Variants in DEAF1 observed in about 807,000 individuals in gnomAD.
DEAF1 encodes the protein DEAF1 transcription factor.
DEAF1 carries 53 observed loss-of-function variants against 58.9 expected under a neutral mutation model. The observed-to-expected ratio is 0.90, with a 90% confidence interval of 0.72 to 1.13. The LOEUF is 1.13. Ranked by LOEUF, DEAF1 falls within the 50% of genes most tolerant of loss-of-function variation. The probability of loss-of-function intolerance (pLI) is 0.00; values close to 1 mark genes in which losing one functional copy is unlikely to be tolerated. For missense variants in DEAF1, 685 were observed against 791.4 expected, an observed-to-expected ratio of 0.87 and a Z score of 1.61; for synonymous variants, 385 against 340.4, an observed-to-expected ratio of 1.13 and a Z score of -1.44.
intron 10 of DEAF1, among the ~76,000 whole-genome samples, chr11:667,017 A>C (rs1859567795): frequency 6.6e-6 from 1 of 151,936 alleles, no homozygotes; most frequent in African/African-American, 2.4e-5. Flanking sequence ...TGAGAAACAT[A>C]GTGAAACCCC....
chr11:697,041 A>C (rs1012326173), upstream of DEAF1, among the ~76,000 whole-genome samples: 2 of 151,092 alleles, frequency 1.3e-5, no homozygotes, highest in Non-Finnish European at 2.9e-5. Flanking sequence ...CGGAGGTTGC[A>C]GTTGGCCAAG....
intron 9 of DEAF1, chr11:678,398 G>T (rs921129335): frequency 1.0e-5 from 4 of 389,508 alleles, no homozygotes; most frequent in Non-Finnish European, 2.0e-5. Flanking sequence ...GAGGACAACA[G>T]CAAACTCACC....
At chr11:661,615 C>T (rs906560186) in intron 10 of DEAF1, among the ~76,000 whole-genome samples, 5 of 152,140 alleles carry the variant, frequency 3.3e-5, no homozygotes, top group Non-Finnish European at 5.9e-5. Flanking sequence ...GAGGCTGAGG[C>T]AGAAGAATCG....
At chr11:696,274 A>G (rs1196191319), upstream of DEAF1, among the ~76,000 whole-genome samples, 1 of 152,006 alleles carries the variant, frequency 6.6e-6, no homozygotes, top group Admixed American at 6.6e-5. Flanking sequence ...GGGACAGACC[A>G]AAGCAGTAAA....
At chr11:657,152 C>A (rs1394940902) in intron 10 of DEAF1, among the ~76,000 whole-genome samples, 1 of 152,158 alleles carries the variant, frequency 6.6e-6, no homozygotes, top group East Asian at 1.9e-4. Context: ...CTCTCTAAGA[C>A]TTCCCAATAA....
intron 11 of DEAF1, chr11:646,374 G>T (rs188324264): frequency 6.6e-6 from 1 of 151,978 alleles, no homozygotes; most frequent in Non-Finnish European, 1.5e-5. Flanking sequence ...CGCCCCTCCC[G>T]GGCCTCCACT....
chr11:696,381 TC>T (rs1564958937), upstream of DEAF1, among the ~76,000 whole-genome samples: 1 of 152,206 alleles, frequency 6.6e-6, no homozygotes, highest in Non-Finnish European at 1.5e-5. Flanking sequence ...GTGCGTGTTC[TC>T]TAGTAATTAG....
chr11:701,548 C>T (rs1202330646), intron 1 of DEAF1, among the ~76,000 whole-genome samples: 8 of 151,266 alleles, frequency 5.3e-5, no homozygotes, highest in East Asian at 1.9e-4. Flanking sequence ...GTAACTGGGA[C>T]TACAGGTGCC....
intron 10 of DEAF1, among the ~76,000 whole-genome samples, chr11:663,617 T>C (rs931408368): frequency 3.3e-5 from 5 of 150,512 alleles, no homozygotes; most frequent in Non-Finnish European, 5.9e-5. Context: ...TCCTCCTCCA[T>C]CTCCTCAGCG....
Position 695,206 on chromosome 11 carries a change from A to AGAGCC in DEAF1, c.-164_-160dup. ...CCGAAAAGGCAGCCAGCCGCCGAGC[A>AGAGCC]GAGCCGAGCCGAGTCCGCCCGCGGA... is the stretch of plus-strand genomic sequence containing the variant. On this transcript the variant is annotated 5_prime_UTR_variant, in exon 1 of 12. Coordinates refer to ENST00000382409, the MANE Select transcript of DEAF1 (RefSeq NM_021008.4). 1.5e-6 allele frequency: 1 copy of AGAGCC among 647,486 alleles called. No homozygotes were observed. The highest frequency in any genetic ancestry group is 2.2e-6 in the Non-Finnish European group (1 of 446,380). 40.1% of individuals were successfully genotyped at this position (647,486 alleles called of 1,614,324 possible).
chr11:695,607 G>C (rs1213539478), upstream of DEAF1: 6 of 1,243,796 alleles, frequency 4.8e-6, no homozygotes, highest in East Asian at 1.6e-4. Context: ...CCCCGAGGCC[G>C]AATGCTCCCG....
intron 5 of DEAF1, 112 bp from the exon 6 acceptor site, chr11:685,075 A>T: frequency 1.2e-6 from 1 of 843,884 alleles, no homozygotes; most frequent in Non-Finnish European, 1.8e-6. Context: ...TCATAAATAT[A>T]AAAATTCTTT....
At chr11:691,720 A>C (rs1252630984) in intron 1 of DEAF1, 122 bp from the exon 2 acceptor site, 9 of 776,988 alleles carry the variant, frequency 1.2e-5, no homozygotes, top group South Asian at 1.5e-5. Flanking sequence ...GTAACCAGGA[A>C]GATCTTAACA....
chr11:669,762 T>A (rs1355612575), intron 10 of DEAF1, among the ~76,000 whole-genome samples: 1 of 150,758 alleles, frequency 6.6e-6, no homozygotes, highest in East Asian at 1.9e-4. Context: ...AAACCTCGTC[T>A]CTACTTAAAA....
At chr11:648,072 G>C (rs916419293) in intron 11 of DEAF1, among the ~76,000 whole-genome samples, 1 of 151,252 alleles carries the variant, frequency 6.6e-6, no homozygotes, top group Non-Finnish European at 1.5e-5. Flanking sequence ...CAGGTGGGTG[G>C]ACTTGACCCA....
chr11:663,846 G>A (rs749509376), intron 10 of DEAF1, among the ~76,000 whole-genome samples: 1 of 152,224 alleles, frequency 6.6e-6, no homozygotes, highest in African/African-American at 2.4e-5. Flanking sequence ...GCCACATCAC[G>A]GAAAGCACTG....
At position 667,837 on chromosome 11, in the gene DEAF1, C is replaced by T. The variant is rs117851149; in HGVS notation, c.1503+6699G>A. ...AATAATAAATAAATAAATAGGCCGG[C>T]GTGTTAGCTCATGCCTGTAATCCCA... On this transcript the variant is annotated intron_variant, in intron 10 of 11. Coordinates refer to ENST00000382409, the MANE Select transcript of DEAF1 (RefSeq NM_021008.4). 3.4e-4 allele frequency among the ~76,000 whole-genome samples: 51 copies of T among 151,794 alleles called. 3 individuals carry two copies. In the East Asian group the frequency reaches 9.9e-3, roughly 29 times the overall value.
rs559245340 is a variant in DEAF1, at chr11:688,292, G to C, written c.517+39C>G. On this transcript the variant is annotated intron_variant, in intron 3 of 11. Transcript: ENST00000382409. This position sits in a 1 kb window ranked among gnomAD's most constrained non-coding sequence, Gnocchi z 4.3. ...AAATAAATTCTAGCTATTCTGAAAC[G>C]TGTTTTGCCCGAGGCCTGGGGTGCA... The C allele has an allele frequency of 1.4e-5, 22 of 1,605,418 alleles. No homozygotes were observed. The highest frequency in any genetic ancestry group is 1.9e-5 in the Non-Finnish European group (22 of 1,175,986).
intron 11 of DEAF1, among the ~76,000 whole-genome samples, chr11:649,463 T>C (rs1227683934): frequency 2.0e-5 from 3 of 150,580 alleles, no homozygotes; most frequent in Non-Finnish European, 4.4e-5. Flanking sequence ...CTCACACCTA[T>C]AATCCCAGCA....
Sources: gnomAD v4.1 joint callset for allele counts (sites outside exome capture counted in the v4.1 genomes callset) on GRCh38, gnomAD v4.1.1 for gene constraint, Gnocchi (gnomAD v3.1) non-coding constraint, MANE v1.5 for transcripts, NCBI Gene and HGNC (gene_info 2026-07-23, HGNC 2026-07-21) for gene names.